The following TNIK variants were observed in gnomAD, a reference collection of about 807,000 sequenced individuals.
The protein encoded by TNIK is TRAF2 and NCK-interacting protein kinase.
In TNIK, 49 loss-of-function variants were observed where a neutral mutation model predicts 191.3. The observed-to-expected ratio is 0.26, with a 90% CI of 0.20 to 0.32. The LOEUF is 0.32. TNIK is among the 10% of genes least tolerant of loss of function. The pLI is 1.00. For missense variants in TNIK, 1,155 were observed against 1,702.3 expected, an observed-to-expected ratio of 0.68 and a Z score of 5.66; for synonymous variants, 594 against 600.9, an observed-to-expected ratio of 0.99 and a Z score of 0.17.
chr3:171,150,686 G>A (rs1425317879), intron 12 of TNIK, among the ~76,000 whole-genome samples: 1 of 152,162 alleles, frequency 6.6e-6, no homozygotes, highest in Non-Finnish European at 1.5e-5. Flanking sequence ...ACTTCCCAAG[G>A]TGGCAGTTGA....
At position 171,444,075 on chromosome 3, in the gene TNIK, G is replaced by A. The variant is rs191645418; in HGVS notation, c.57+15932C>T. ...TTAAAAGCATTTTCCCCAGCAATGA[G>A]TATAAAATTTTCATGCACGCTCACT... On this transcript the variant is annotated intron_variant, in intron 1 of 32. Coordinates refer to ENST00000436636, the MANE Select transcript of TNIK (RefSeq NM_015028.4). Among the ~76,000 whole-genome samples the A allele has an allele frequency of 6.2e-3, 938 of 152,262 alleles. 3 individuals are homozygous for A. The highest frequency in any genetic ancestry group is 9.8e-3 in the Non-Finnish European group (667 of 68,024).
chr3:171,171,184 A>C (rs1735238996), intron 9 of TNIK, among the ~76,000 whole-genome samples: 1 of 152,196 alleles, frequency 6.6e-6, no homozygotes, highest in African/African-American at 2.4e-5. Context: ...AGCCTGCACA[A>C]ACAGGTTAAT....
At chr3:171,415,126 T>A (rs528595735) in intron 1 of TNIK, among the ~76,000 whole-genome samples, 179 of 152,330 alleles carry the variant, frequency 1.2e-3, no homozygotes, top group African/African-American at 4.0e-3. Flanking sequence ...CAGTACCTAT[T>A]CATGGGTGGT....
At chr3:171,269,713 C>T (rs1748854084) in intron 2 of TNIK, among the ~76,000 whole-genome samples, 1 of 152,194 alleles carries the variant, frequency 6.6e-6, no homozygotes, top group African/African-American at 2.4e-5. Flanking sequence ...ACATGAAAGA[C>T]CACTGAAACA....
At chr3:171,171,858 T>C (rs1302028464) in intron 9 of TNIK, among the ~76,000 whole-genome samples, 1 of 152,220 alleles carries the variant, frequency 6.6e-6, no homozygotes, top group African/African-American at 2.4e-5. Context: ...TTGCTGGTGC[T>C]GATATGGAGG....
At chr3:171,337,763 T>G (rs955488755) in intron 2 of TNIK, among the ~76,000 whole-genome samples, 2 of 152,230 alleles carry the variant, frequency 1.3e-5, no homozygotes, top group Non-Finnish European at 2.9e-5. Context: ...TTTCATTCAC[T>G]TCTAGAAATA....
In TNIK at chr3:171,179,475, G is replaced by A. The variant is rs549483234; in HGVS notation, c.640-2095C>T. Among the ~76,000 whole-genome samples, 95 of 151,714 alleles carry A rather than the reference G, an allele frequency of 6.3e-4. 2 individuals carry two copies. Among genetic ancestry groups the A allele is most frequent in the Middle Eastern group, 3.4e-3 (1 of 292 alleles). ...TTTGTTTTTTTTTTTTCTTTGAGAC[G>A]GAGTCTCGCTCTGTCGCCCAGGCTG... On this transcript the variant is annotated intron_variant, in intron 7 of 32. Coordinates refer to ENST00000436636, the MANE Select transcript of TNIK (RefSeq NM_015028.4).
intron 2 of TNIK, among the ~76,000 whole-genome samples, chr3:171,256,309 G>A (rs1389067916): frequency 6.6e-6 from 1 of 152,166 alleles, no homozygotes; most frequent in African/African-American, 2.4e-5. Flanking sequence ...AGGGCCTAGA[G>A]AAATACCAGC....
intron 4 of TNIK, among the ~76,000 whole-genome samples, chr3:171,209,977 G>A (rs1174753343): frequency 6.6e-6 from 1 of 151,920 alleles, no homozygotes; most frequent in African/African-American, 2.4e-5. Flanking sequence ...AGCCATTACT[G>A]GATCCACACA....
At chr3:171,227,166 G>A (rs2108984662) in intron 3 of TNIK, among the ~76,000 whole-genome samples, 1 of 152,196 alleles carries the variant, frequency 6.6e-6, no homozygotes, top group South Asian at 2.1e-4. Context: ...TTTTTGCTGT[G>A]TACTCTTGAA....
Position 171,460,309 on chromosome 3 carries a change from C to A in TNIK, c.-246G>T, listed in dbSNP as rs893405997. 3.3e-5 allele frequency: 19 copies of A among 578,978 alleles called. No individual in the cohort carries two copies. The highest frequency in any genetic ancestry group is 5.8e-5 in the Non-Finnish European group (19 of 327,840). 35.9% of individuals were successfully genotyped at this position (578,978 alleles called of 1,614,324 possible). A position where few individuals can be genotyped will look rare whatever the true frequency, so the allele number is the denominator to read the frequency against. ...CGAGCAGCGGTGCGTGTGGGCTGAG[C>A]GCCCCGATCGGCTAAGGGCGCTGGG... On this transcript the variant is annotated 5_prime_UTR_variant, in exon 1 of 33. Coordinates refer to ENST00000436636, the MANE Select transcript of TNIK (RefSeq NM_015028.4). This position sits in a 1 kb window ranked among gnomAD's most constrained non-coding sequence, Gnocchi z 6.8.
chr3:171,101,131 C>T (rs1329136940), intron 22 of TNIK, among the ~76,000 whole-genome samples: 6 of 151,958 alleles, frequency 3.9e-5, no homozygotes. Context: ...GGGGAAGGCA[C>T]GTATCAATGG....
chr3:171,410,069 T>C (rs556323892), intron 1 of TNIK, among the ~76,000 whole-genome samples: 1 of 152,120 alleles, frequency 6.6e-6, no homozygotes, highest in Non-Finnish European at 1.5e-5. Context: ...AGCAGCAATT[T>C]ATACAGGGTT....
At position 171,066,627 on chromosome 3, in the gene TNIK, G is replaced by A. The variant is rs754276249; in HGVS notation, c.3808C>T (p.Arg1270Trp). 5.6e-6 allele frequency: 9 copies of A among 1,613,636 alleles called. No homozygotes were observed. Among genetic ancestry groups the A allele is most frequent in the Admixed American group, 1.7e-5 (1 of 59,984 alleles). The change falls in exon 31 of 33, where the codon CGG becomes TGG. Residue 1270 changes from arginine to tryptophan, a missense_variant. By Grantham distance (101) the Arg-to-Trp change is moderately radical (BLOSUM62 -3). Transcript: ENST00000436636. The stretch of plus-strand genomic sequence containing the variant: ...TGGAGCACCACATCCTTAGTTATCC[G>A]GCCATAGGTGTTTACATACACCCCC... ...DEGVYVNTYG[R>W]ITKDVVLQWG...
At position 171,082,312 on chromosome 3, in the gene TNIK, G is replaced by A. The variant is rs776901678; in HGVS notation, c.3252C>T (p.Asn1084=). Residue 1084 remains asparagine, a synonymous_variant, in exon 27 of 33, where the codon AAC becomes AAT. Transcript: ENST00000436636. ...SGQGKVYNLI[N]RRRFQQMDVL... ...CATCCATCTGCTGAAATCGCCTCCG[G>A]TTGATCAGATTATAGACTTTGCCTT... 2 of 1,613,822 alleles carry A rather than the reference G, an allele frequency of 1.2e-6. No homozygotes were observed. The highest frequency in any genetic ancestry group is 1.1e-5 in the South Asian group (1 of 91,068).
intron 2 of TNIK, among the ~76,000 whole-genome samples, chr3:171,351,922 A>T (rs569534118): frequency 6.6e-6 from 1 of 152,328 alleles, no homozygotes; most frequent in East Asian, 1.9e-4. Context: ...TGAACCCTGG[A>T]TTTATGCCAA....
Position 171,366,505 on chromosome 3 carries a change from T to C in TNIK, c.123+3115A>G, listed in dbSNP as rs1406002839. ...GTGTTCTCTGAATACCTACATATAC[T>C]TTTTATTTATTATATTAAGTATGTT... On this transcript the variant is annotated intron_variant, in intron 2 of 32. Coordinates refer to ENST00000436636, the MANE Select transcript of TNIK (RefSeq NM_015028.4). The surrounding 1 kb of genome is among the most constrained non-coding windows in gnomAD (Gnocchi z 4.1). Among the ~76,000 whole-genome samples the C allele has an allele frequency of 6.6e-6, 1 of 152,124 alleles. No homozygotes were observed. Among genetic ancestry groups the C allele is most frequent in the Non-Finnish European group, 1.5e-5 (1 of 68,030 alleles).
intron 15 of TNIK, among the ~76,000 whole-genome samples, chr3:171,135,800 T>C (rs1729915372): frequency 6.6e-6 from 1 of 152,144 alleles, no homozygotes; most frequent in South Asian, 2.1e-4. Flanking sequence ...GCTGTGTTTC[T>C]TTTACTGCTA....
At chr3:171,161,496 A>G (rs1733980927) in intron 10 of TNIK, among the ~76,000 whole-genome samples, 160 bp from the exon 11 acceptor site, 1 of 152,252 alleles carries the variant, frequency 6.6e-6, no homozygotes, top group South Asian at 2.1e-4. Flanking sequence ...TCCCATAAGT[A>G]TATGAAATTA....
Sources: allele counts gnomAD v4.1 joint callset (sites outside exome capture counted in the v4.1 genomes callset), GRCh38; gene constraint gnomAD v4.1.1; non-coding constraint Gnocchi (gnomAD v3.1); transcripts MANE v1.5; gene names NCBI Gene and HGNC (gene_info 2026-07-23, HGNC 2026-07-21).